Variants in TEX11 observed in about 807,000 individuals in gnomAD.
The protein encoded by TEX11 is testis-expressed protein 11.
TEX11 carries 7 observed loss-of-function variants against 84.4 expected under a neutral mutation model. That is an observed-to-expected ratio of 0.08 (90% CI 0.05 to 0.16). The LOEUF (loss-of-function observed/expected upper bound fraction) is 0.16, where lower values mean the gene tolerates loss of function less well. Ranked by LOEUF, TEX11 falls within the 10% of genes least tolerant of loss-of-function variation. The pLI is 1.00. For synonymous variants in TEX11, 264 were observed against 222.8 expected (o/e 1.18, Z -1.64); for missense variants, 551 against 660.5 (o/e 0.83, Z 1.82).
At chrX:70,816,308 A>G (rs1355183503) in intron 8 of TEX11, among the ~76,000 whole-genome samples, 1 of 112,106 alleles carries the variant, frequency 8.9e-6, no homozygotes, top group Non-Finnish European at 1.9e-5. Context: ...TTCCTATAGC[A>G]GTGGCCACTT....
chrX:70,748,755 G>C (rs1209911417), intron 9 of TEX11, among the ~76,000 whole-genome samples: 2 of 94,802 alleles, frequency 2.1e-5, no homozygotes, highest in Non-Finnish European at 4.2e-5. Flanking sequence ...ATTTCTGAGG[G>C]CTCTGTTCTG....
At chrX:70,533,201 G>A (rs1219376016) in intron 28 of TEX11, among the ~76,000 whole-genome samples, 1 of 111,804 alleles carries the variant, frequency 8.9e-6, no homozygotes, top group Non-Finnish European at 1.9e-5. Flanking sequence ...GATTTGATAT[G>A]GGGAATGACA....
chrX:70,598,664 C>A (rs1032226052), intron 24 of TEX11, among the ~76,000 whole-genome samples: 2 of 111,967 alleles, frequency 1.8e-5, no homozygotes, highest in African/African-American at 6.5e-5. Context: ...TATATTTATA[C>A]AATGGAATAT....
intron 3 of TEX11, among the ~76,000 whole-genome samples, chrX:70,875,151 G>C (rs2091649143): frequency 9.1e-6 from 1 of 109,977 alleles, no homozygotes. Context: ...ACTCCAGCCT[G>C]GGCGAGACAG....
intron 24 of TEX11, among the ~76,000 whole-genome samples, chrX:70,597,507 A>AT (rs2089023649): frequency 1.8e-5 from 2 of 112,245 alleles, no homozygotes; most frequent in South Asian, 7.5e-4. Flanking sequence ...TGGCACGAAG[A>AT]TAATTCAAGG....
At chrX:70,664,904 T>C (rs1487614620) in intron 16 of TEX11, among the ~76,000 whole-genome samples, 1 of 105,824 alleles carries the variant, frequency 9.4e-6, no homozygotes, top group Non-Finnish European at 1.9e-5. Context: ...GCTGATGAAG[T>C]ACAGAGGCCA....
chrX:70,598,067 G>C (rs2089032289), intron 24 of TEX11, among the ~76,000 whole-genome samples: 1 of 111,932 alleles, frequency 8.9e-6, no homozygotes, highest in Non-Finnish European at 1.9e-5. Context: ...TGTAGTCCCA[G>C]CTACTTGGGA....
chrX:70,513,918 G>A, the TEX11 span, among the ~76,000 whole-genome samples: 1 of 108,712 alleles, frequency 9.2e-6, no homozygotes, highest in African/African-American at 3.4e-5. Flanking sequence ...ACTGGGGGAG[G>A]TGCCCATTAA....
intron 9 of TEX11, among the ~76,000 whole-genome samples, chrX:70,803,887 G>A (rs1286872944): frequency 8.9e-6 from 1 of 112,053 alleles, no homozygotes; most frequent in South Asian, 3.7e-4. Flanking sequence ...GCTCACACCT[G>A]TAATTCCAGC....
chrX:70,606,997 G>T lies in TEX11; in HGVS notation c.1912C>A (p.Pro638Thr), dbSNP rs2089202302. Residue 638 changes from proline (P) to threonine (T), a missense_variant, in exon 23 of 30, where the codon CCA becomes ACA. By Grantham distance (38) the Pro-to-Thr change is conservative. Transcript: ENST00000374333. The part of the protein sequence containing the change: ...WNLAVQCDKD[P>T]VMMREFFILS... ...ATAAAAAACTCTCTCATCATCACTGGATCTTTGTCACATTGCACAGCCAAG... is the reference window on the plus strand; with the variant it reads ...ATAAAAAACTCTCTCATCATCACTGTATCTTTGTCACATTGCACAGCCAAG... 8.4e-7 allele frequency: 1 copy of T among 1,195,587 alleles called. No homozygotes were observed. Among genetic ancestry groups the T allele is most frequent in the Non-Finnish European group, 1.1e-6 (1 of 889,358 alleles).
rs1042006987 is a variant in TEX11 at position 70,770,097 on chromosome X, A to G, written c.693-25878T>C. ...TAACAAATTTTCTGCCAGCTCTGAG[A>G]CCTTCCCTTAGATCACATTGCCTAA... On this transcript the variant is annotated intron_variant, in intron 9 of 29. Transcript: ENST00000374333. Among the ~76,000 whole-genome samples the G allele has an allele frequency of 8.1e-5, 9 of 111,372 alleles. No individual in the cohort carries two copies. The Middle Eastern group carries it at 0.018, about 227-fold the overall frequency.
intron 4 of TEX11, among the ~76,000 whole-genome samples, chrX:70,861,308 G>A (rs899344783): frequency 2.1e-4 from 23 of 109,302 alleles, no homozygotes; most frequent in African/African-American, 7.0e-4. Flanking sequence ...TGATCCGCCC[G>A]CCTCGGCCTC....
intron 14 of TEX11, among the ~76,000 whole-genome samples, chrX:70,680,901 TAAG>T (rs780089328): frequency 8.9e-6 from 1 of 112,577 alleles, no homozygotes; most frequent in African/African-American, 3.2e-5. Context: ...AAATCATTAA[TAAG>T]AAGTGCTTAT....
intron 25 of TEX11, among the ~76,000 whole-genome samples, chrX:70,567,263 T>A (rs1603076917): frequency 9.0e-6 from 1 of 111,450 alleles, no homozygotes; most frequent in East Asian, 2.8e-4. Flanking sequence ...CCCTTTATCA[T>A]TTTTTATTGC....
intron 25 of TEX11, among the ~76,000 whole-genome samples, chrX:70,570,366 C>T (rs753888806): frequency 8.5e-4 from 95 of 112,295 alleles, no homozygotes; most frequent in Non-Finnish European, 9.4e-4. Context: ...TCCCAAGTGA[C>T]GCAATGCCTC....
At chrX:70,842,645 G>C (rs979866398) in intron 7 of TEX11, among the ~76,000 whole-genome samples, 32 of 111,715 alleles carry the variant, frequency 2.9e-4, no homozygotes, top group African/African-American at 1.0e-3. Flanking sequence ...AATTAGGCAG[G>C]AGAAGGAAAT....
At chrX:70,714,178 C>G (rs763769459) in intron 13 of TEX11, among the ~76,000 whole-genome samples, 19 of 111,042 alleles carry the variant, frequency 1.7e-4, no homozygotes, top group East Asian at 1.4e-3. Flanking sequence ...AATTTCTGTT[C>G]TTTTACATTT....
chrX:70,810,621 C>T (rs1026408614), intron 8 of TEX11, among the ~76,000 whole-genome samples: 5 of 110,470 alleles, frequency 4.5e-5, no homozygotes, highest in Non-Finnish European at 9.5e-5. Flanking sequence ...GGGAGGGGAA[C>T]ATCATACACT....
intron 9 of TEX11, among the ~76,000 whole-genome samples, chrX:70,778,828 A>T (rs1421045068): frequency 9.0e-6 from 1 of 111,242 alleles, no homozygotes; most frequent in African/African-American, 3.3e-5. Flanking sequence ...AGAAATCAAT[A>T]ACAGGAAGAA....
Sources: gnomAD v4.1 joint callset for allele counts (sites outside exome capture counted in the v4.1 genomes callset) on GRCh38, gnomAD v4.1.1 for gene constraint, MANE v1.5 for transcripts, NCBI Gene and HGNC (gene_info 2026-07-23, HGNC 2026-07-21) for gene names.